SEC24D: variants seen among roughly 807,000 people sequenced by gnomAD.
The protein encoded by SEC24D is SEC24 homolog D, COPII component.
A neutral mutation model predicts 116.9 loss-of-function variants in SEC24D; 69 were observed. The ratio of observed to expected loss-of-function variants is 0.59; its 90% CI spans 0.49 to 0.72. SEC24D has a LOEUF of 0.72. SEC24D is among the 30% of genes least tolerant of loss of function. The pLI is 0.00. For missense variants in SEC24D, 1,131 were observed against 1,264.1 expected (o/e 0.89, Z 1.60); for synonymous variants, 405 against 442.8 (o/e 0.91, Z 1.07).
chr4:118,828,285 G>A (rs1216017960), intron 2 of SEC24D, among the ~76,000 whole-genome samples: 1 of 151,950 alleles, frequency 6.6e-6, no homozygotes, highest in Non-Finnish European at 1.5e-5. Context: ...ATTTATTTGC[G>A]TTTTTAGTAG....
Position 118,728,598 on chromosome 4 carries a change from A to G in SEC24D, c.2921T>C (p.Met974Thr), listed in dbSNP as rs1725526996. ...NPYSQQLRMI[M>T]GIIQQKRPYS... ...TGGCCTCTTTTGTTGGATAATACCCATTATCATTCTGAGTTGTTGAGAGTA... is the reference window on the plus strand; with the variant it reads ...TGGCCTCTTTTGTTGGATAATACCCGTTATCATTCTGAGTTGTTGAGAGTA... The change falls in exon 22 of 23, where the codon ATG becomes ACG. Residue 974 changes from methionine to threonine, a missense_variant. Physicochemically the swap from Met to Thr is moderately conservative, Grantham distance 81 (BLOSUM62 -1). Transcript: ENST00000280551. 1 of 1,610,552 alleles carries G rather than the reference A, an allele frequency of 6.2e-7. No individual in the cohort carries two copies. The highest frequency in any genetic ancestry group is 8.5e-7 in the Non-Finnish European group (1 of 1,177,700).
chr4:118,831,133 T>C (rs961657241), intron 2 of SEC24D, among the ~76,000 whole-genome samples: 1 of 152,214 alleles, frequency 6.6e-6, no homozygotes, highest in African/African-American at 2.4e-5. Flanking sequence ...GCGATTCTCA[T>C]GCCTTAGCCT....
chr4:118,809,194 G>A (rs991136994), intron 6 of SEC24D, among the ~76,000 whole-genome samples: 6 of 151,860 alleles, frequency 4.0e-5, no homozygotes, highest in African/African-American at 1.2e-4. Flanking sequence ...GGATGGTCTC[G>A]ATCTCCTGAC....
intron 8 of SEC24D, among the ~76,000 whole-genome samples, chr4:118,790,323 A>G (rs1728841054): frequency 1.3e-5 from 2 of 152,214 alleles, no homozygotes; most frequent in South Asian, 2.1e-4. Context: ...ACTTAATTGC[A>G]TGTATAATTA....
rs10015015 is a variant in SEC24D at position 118,792,413 on chromosome 4, C to T, written c.1041+5270G>A. On this transcript the variant is annotated intron_variant, in intron 8 of 22. Coordinates refer to ENST00000280551, the MANE Select transcript of SEC24D (RefSeq NM_014822.4). ...GGTGTACCCAATAGCTCATTGAGAACGGGCCTAAATGACGATGGCGATTTT... is the reference window on the plus strand; with the variant it reads ...GGTGTACCCAATAGCTCATTGAGAATGGGCCTAAATGACGATGGCGATTTT... Among the ~76,000 whole-genome samples the T allele has an allele frequency of 7.4e-3, 1,130 of 152,278 alleles. 16 individuals carry two copies. Among genetic ancestry groups the T allele is most frequent in the African/African-American group, 0.025 (1,041 of 41,552 alleles).
chr4:118,824,788 T>C, intron 2 of SEC24D, 39 bp from the exon 3 acceptor site: 1 of 1,520,512 alleles, frequency 6.6e-7, no homozygotes, highest in Middle Eastern at 1.8e-4. Context: ...TGTATTAAAG[T>C]ACAAAGAGAG....
intron 8 of SEC24D, among the ~76,000 whole-genome samples, chr4:118,784,183 C>T (rs1728555926): frequency 6.6e-6 from 1 of 151,998 alleles, no homozygotes; most frequent in Admixed American, 6.6e-5. Flanking sequence ...TTTTTGAAAA[C>T]AGGAATTTAA....
At chr4:118,749,830 G>T (rs1311500162) in intron 13 of SEC24D, among the ~76,000 whole-genome samples, 1 of 152,196 alleles carries the variant, frequency 6.6e-6, no homozygotes, top group East Asian at 1.9e-4. Context: ...TGCCAGCAGG[G>T]ACAGCAGTAA....
intron 6 of SEC24D, among the ~76,000 whole-genome samples, chr4:118,806,397 G>A (rs796327797): frequency 1.5e-4 from 23 of 151,644 alleles, no homozygotes; most frequent in African/African-American, 3.6e-4. Flanking sequence ...GTGCTGTGCC[G>A]CAATCATAGC....
At position 118,723,943 on chromosome 4, in the gene SEC24D, G is replaced by C. The variant is rs58619091; in HGVS notation, c.2959-288C>G. On this transcript the variant is annotated intron_variant, in intron 22 of 22. Coordinates refer to ENST00000280551, the MANE Select transcript of SEC24D (RefSeq NM_014822.4). The stretch of plus-strand genomic sequence containing the variant: ...ACTGTCCCCTGAGCCTTAAAGGATA[G>C]GGGTAGGGCTAGAAAGTGTTCCATA... Among the ~76,000 whole-genome samples, 1,147 of 152,270 alleles carry C rather than the reference G, an allele frequency of 7.5e-3. 21 individuals are homozygous for C. The highest frequency in any genetic ancestry group is 0.026 in the African/African-American group (1,093 of 41,560).
At chr4:118,802,777 T>C (rs1005841897) in intron 7 of SEC24D, among the ~76,000 whole-genome samples, 1 of 152,174 alleles carries the variant, frequency 6.6e-6, no homozygotes, top group African/African-American at 2.4e-5. Context: ...GGGGCTCGCA[T>C]AGATACTTGT....
intron 10 of SEC24D, chr4:118,758,509 T>A (rs1578405388): frequency 6.6e-6 from 1 of 152,156 alleles, no homozygotes; most frequent in African/African-American, 2.4e-5. Flanking sequence ...TACGAACATG[T>A]TTTTTAGTTG....
intron 13 of SEC24D, among the ~76,000 whole-genome samples, chr4:118,745,859 C>T (rs2110448330): frequency 6.6e-6 from 1 of 152,222 alleles, no homozygotes; most frequent in East Asian, 1.9e-4. Context: ...TAGCTCTGAT[C>T]AGGTATGTGG....
At chr4:118,762,024 C>G (rs1468341760) in intron 10 of SEC24D, among the ~76,000 whole-genome samples, 1 of 151,350 alleles carries the variant, frequency 6.6e-6, no homozygotes, top group Non-Finnish European at 1.5e-5. Context: ...AGCACACAGA[C>G]AAGTACCTTA....
intron 2 of SEC24D, among the ~76,000 whole-genome samples, chr4:118,825,894 T>TTA (rs1388098124): frequency 3.3e-5 from 5 of 152,144 alleles, no homozygotes; most frequent in African/African-American, 9.7e-5. Flanking sequence ...TCCAGAAAGT[T>TTA]TATTCTCTCA....
Position 118,751,882 on chromosome 4 carries a change from GTGAC to G in SEC24D, c.1707+110_1707+113del, listed in dbSNP as rs1288861801. The G allele has an allele frequency of 3.3e-5, 25 of 747,576 alleles. No homozygotes were observed. The Admixed American group carries it at 6.1e-4, about 18-fold the overall frequency. The allele number at this position is 747,576 out of a possible 1,614,324, so 46.3% of individuals were successfully genotyped here. Reference sequence around the variant, plus strand: ...GAGTGGAAGTTTGGAATAGCCTCTAGTGACCCACGTTTTAATGAAGACTGTCTTT... The same window carrying G: ...GAGTGGAAGTTTGGAATAGCCTCTAGCCACGTTTTAATGAAGACTGTCTTT... On this transcript the variant is annotated intron_variant, in intron 13 of 22. Transcript: ENST00000280551.
chr4:118,796,286 A>G (rs1729176464), intron 8 of SEC24D, among the ~76,000 whole-genome samples: 1 of 152,218 alleles, frequency 6.6e-6, no homozygotes, highest in East Asian at 1.9e-4. Context: ...CATCTCTGTC[A>G]ATACATATTG....
At chr4:118,757,678 G>A in intron 11 of SEC24D, 43 bp downstream of exon 11, 1 of 1,568,364 alleles carries the variant, frequency 6.4e-7, no homozygotes, top group Non-Finnish European at 8.6e-7. Context: ...AAATTAATTA[G>A]GCAATAATGT....
intron 8 of SEC24D, among the ~76,000 whole-genome samples, chr4:118,769,055 T>C (rs1727776816): frequency 6.6e-6 from 1 of 152,250 alleles, no homozygotes; most frequent in Admixed American, 6.5e-5. Flanking sequence ...AGCAGTATGC[T>C]GTCTATGTAG....
Sources: allele counts gnomAD v4.1 joint callset (sites outside exome capture counted in the v4.1 genomes callset), GRCh38; gene constraint gnomAD v4.1.1; transcripts MANE v1.5; gene names NCBI Gene and HGNC (gene_info 2026-07-23, HGNC 2026-07-21).